Variants in PRKACB observed in about 807,000 individuals in gnomAD.
PRKACB encodes cAMP-dependent protein kinase catalytic subunit beta.
A neutral mutation model predicts 51.4 loss-of-function variants in PRKACB; 16 were observed. The observed-to-expected ratio is 0.31, with a 90% CI of 0.21 to 0.47. The LOEUF (loss-of-function observed/expected upper bound fraction) is 0.47. Ranked by LOEUF, PRKACB falls within the 20% of genes least tolerant of loss-of-function variation. PRKACB has a pLI of 1.00. For missense variants in PRKACB, 309 were observed against 464.5 expected (o/e 0.67, Z 3.08); for synonymous variants, 147 against 154.4 (o/e 0.95, Z 0.35).
chr1:84,148,034 A>G (rs942864920), intron 1 of PRKACB, among the ~76,000 whole-genome samples: 1 of 152,176 alleles, frequency 6.6e-6, no homozygotes, highest in Non-Finnish European at 1.5e-5. Context: ...AGAAATGTGT[A>G]TAGCTACTAT....
chr1:84,172,561 A>G (rs138003011), intron 1 of PRKACB, among the ~76,000 whole-genome samples: 1 of 151,890 alleles, frequency 6.6e-6, no homozygotes, highest in East Asian at 1.9e-4. Flanking sequence ...CACTGTGTGA[A>G]TTCATAGTGT....
chr1:84,112,165 C>A (rs997271668), intron 1 of PRKACB, among the ~76,000 whole-genome samples: 4 of 151,088 alleles, frequency 2.6e-5, no homozygotes, highest in African/African-American at 9.7e-5. Flanking sequence ...GTGACATTGC[C>A]ATTAGCATTG....
chr1:84,230,294 C>G (rs1675403964), intron 9 of PRKACB, among the ~76,000 whole-genome samples: 1 of 151,918 alleles, frequency 6.6e-6, no homozygotes, highest in Non-Finnish European at 1.5e-5. Flanking sequence ...TGATCTATAT[C>G]TCTGTTTTGG....
chr1:84,083,243 T>C (rs1647688700), intron 1 of PRKACB, among the ~76,000 whole-genome samples: 1 of 152,186 alleles, frequency 6.6e-6, no homozygotes. Flanking sequence ...GGGAAGTCTT[T>C]CTTGGGTGTA....
chr1:84,144,164 A>G (rs1252779569), upstream of PRKACB: 4 of 1,082,250 alleles, frequency 3.7e-6, no homozygotes, highest in Non-Finnish European at 4.9e-6. Flanking sequence ...CCTCAACTCT[A>G]GCTGAAAAGT....
chr1:84,147,576 C>T (rs12129674), intron 1 of PRKACB, among the ~76,000 whole-genome samples: 15,480 of 151,574 alleles, frequency 0.1, 822 homozygotes, highest in Middle Eastern at 0.2. Context: ...TAGTTCTTAC[C>T]CCCAAAAAGA....
chr1:84,161,831 TAA>T (rs1656231969), intron 1 of PRKACB, among the ~76,000 whole-genome samples: 1 of 151,966 alleles, frequency 6.6e-6, no homozygotes, highest in African/African-American at 2.4e-5. Flanking sequence ...CATACAACTT[TAA>T]GTCTCTTAAA....
chr1:84,123,431 G>A (rs920965853), intron 1 of PRKACB, among the ~76,000 whole-genome samples: 2 of 151,992 alleles, frequency 1.3e-5, no homozygotes, highest in African/African-American at 2.4e-5. Flanking sequence ...ACTTACTAGA[G>A]TTCTAAAATA....
chr1:84,232,568 A>G (rs1204646085), intron 9 of PRKACB, among the ~76,000 whole-genome samples: 2 of 152,144 alleles, frequency 1.3e-5, no homozygotes, highest in Non-Finnish European at 2.9e-5. Flanking sequence ...TAGGTCACTC[A>G]GGACTTGCTT....
chr1:84,142,560 A>G (rs1653521663), upstream of PRKACB, among the ~76,000 whole-genome samples: 1 of 152,222 alleles, frequency 6.6e-6, no homozygotes, highest in South Asian at 2.1e-4. Context: ...GAATTTTGTC[A>G]TATAGATGCT....
At chr1:84,213,944 G>A (rs1464168930) in intron 8 of PRKACB, among the ~76,000 whole-genome samples, 1 of 152,178 alleles carries the variant, frequency 6.6e-6, no homozygotes, top group Non-Finnish European at 1.5e-5. Context: ...GGCCCTAAGA[G>A]AACAGGTTTA....
At chr1:84,224,667 T>C (rs950511796) in intron 9 of PRKACB, among the ~76,000 whole-genome samples, 4 of 152,002 alleles carry the variant, frequency 2.6e-5, no homozygotes, top group Non-Finnish European at 5.9e-5. Flanking sequence ...ATGGTGCACG[T>C]GGGCACAGGC....
chr1:84,203,271 T>C (rs1449704951), intron 8 of PRKACB, among the ~76,000 whole-genome samples: 1 of 152,012 alleles, frequency 6.6e-6, no homozygotes, highest in African/African-American at 2.4e-5. Flanking sequence ...ATTTATAGAA[T>C]TGATTTTAAC....
At chr1:84,144,229 C>T (rs1317267478), upstream of PRKACB, 7 of 1,450,700 alleles carry the variant, frequency 4.8e-6, no homozygotes, top group Admixed American at 2.0e-4. Flanking sequence ...GGAAACAGAA[C>T]AGCAGTAGTG....
chr1:84,150,742 T>G (rs564031757), intron 1 of PRKACB, among the ~76,000 whole-genome samples: 24 of 152,288 alleles, frequency 1.6e-4, no homozygotes, highest in African/African-American at 5.5e-4. Context: ...GCAGTATGCT[T>G]CTTCTACAGT....
chr1:84,083,418 A>G (rs1571508269), intron 1 of PRKACB, among the ~76,000 whole-genome samples: 1 of 152,208 alleles, frequency 6.6e-6, no homozygotes, highest in South Asian at 2.1e-4. Context: ...TATTCTCCTC[A>G]GTGTCCTTCA....
intron 1 of PRKACB, among the ~76,000 whole-genome samples, chr1:84,137,674 C>T (rs1652962474): frequency 6.6e-6 from 1 of 152,100 alleles, no homozygotes; most frequent in South Asian, 2.1e-4. Flanking sequence ...AGACTGGAGG[C>T]AAAAGAGTAC....
At chr1:84,189,762 T>C (rs1666203173) in intron 5 of PRKACB, among the ~76,000 whole-genome samples, 1 of 151,974 alleles carries the variant, frequency 6.6e-6, no homozygotes, top group Admixed American at 6.6e-5. Context: ...GGAAGATGGC[T>C]GTCAAAGAAA....
At chr1:84,135,354 A>G (rs533465067) in intron 1 of PRKACB, among the ~76,000 whole-genome samples, 6 of 152,312 alleles carry the variant, frequency 3.9e-5, no homozygotes, top group African/African-American at 1.4e-4. Context: ...CTCTTCTTTC[A>G]ATAATTGATA....
Sources: allele counts gnomAD v4.1 joint callset (sites outside exome capture counted in the v4.1 genomes callset), GRCh38; gene constraint gnomAD v4.1.1; transcripts MANE v1.5; gene names NCBI Gene and HGNC (gene_info 2026-07-23, HGNC 2026-07-21).